CADM2: variants seen among roughly 807,000 people sequenced by gnomAD.
CADM2 encodes immunoglobulin superfamily member 4D.
Under a neutral mutation model 49.8 loss-of-function variants are expected in CADM2, and 12 were observed. The observed-to-expected ratio is 0.24, with a 90% CI of 0.15 to 0.39. The LOEUF (loss-of-function observed/expected upper bound fraction) is 0.39, where lower values mean the gene tolerates loss of function less well. CADM2 is among the 10% of genes least tolerant of loss of function. The pLI is 1.00. For missense variants in CADM2, 378 were observed against 492.3 expected (o/e 0.77, Z 2.20); for synonymous variants, 214 against 175.4 (o/e 1.22, Z -1.74).
intron 1 of CADM2, among the ~76,000 whole-genome samples, chr3:85,031,802 G>A (rs2035001587): frequency 6.6e-6 from 1 of 151,666 alleles, no homozygotes; most frequent in Non-Finnish European, 1.5e-5. Context: ...TTACAGACGT[G>A]AGCCACCACG....
chr3:84,972,334 A>G (rs1037458764), intron 1 of CADM2, among the ~76,000 whole-genome samples: 5 of 152,240 alleles, frequency 3.3e-5, no homozygotes, highest in African/African-American at 1.2e-4. Context: ...TGCTCTTAAA[A>G]TAGCATTTCC....
intron 3 of CADM2, among the ~76,000 whole-genome samples, chr3:85,829,876 G>A (rs1189681607): frequency 6.6e-6 from 1 of 151,922 alleles, no homozygotes; most frequent in African/African-American, 2.4e-5. Context: ...AACAGTATGT[G>A]TATATATACC....
At chr3:85,350,748 G>T (rs1047227517) in intron 1 of CADM2, among the ~76,000 whole-genome samples, 103 of 151,864 alleles carry the variant, frequency 6.8e-4, no homozygotes, top group Non-Finnish European at 8.7e-4. Context: ...GAACAAGAAG[G>T]TTTGGGTTAT....
At chr3:85,878,492 T>C (rs1202852033) in intron 3 of CADM2, among the ~76,000 whole-genome samples, 2 of 152,078 alleles carry the variant, frequency 1.3e-5, no homozygotes. Context: ...GACATGAAAA[T>C]ATCTAGTTTT....
At chr3:85,669,558 T>C (rs1358455076) in intron 1 of CADM2, among the ~76,000 whole-genome samples, 3 of 152,174 alleles carry the variant, frequency 2.0e-5, no homozygotes, top group Non-Finnish European at 2.9e-5. Flanking sequence ...ATGTGTGTTT[T>C]CTGCCTGGAA....
chr3:85,094,956 T>C (rs567436986), intron 1 of CADM2, among the ~76,000 whole-genome samples: 11 of 152,136 alleles, frequency 7.2e-5, no homozygotes, highest in Non-Finnish European at 1.5e-4. Flanking sequence ...TGTGCCAGTC[T>C]CCGAAAGGAC....
intron 1 of CADM2, among the ~76,000 whole-genome samples, chr3:85,170,425 G>A (rs1366979300): frequency 6.7e-6 from 1 of 150,012 alleles, no homozygotes; most frequent in Admixed American, 6.7e-5. Context: ...TGCAACTTCC[G>A]CCTCCCAGGT....
intron 1 of CADM2, among the ~76,000 whole-genome samples, chr3:85,643,805 T>G (rs969986057): frequency 4.6e-5 from 7 of 152,154 alleles, no homozygotes; most frequent in Non-Finnish European, 1.5e-5. Context: ...ATTATTGTTA[T>G]TATATGTGGA....
At chr3:85,218,292 C>G (rs1437161751) in intron 1 of CADM2, among the ~76,000 whole-genome samples, 1 of 151,886 alleles carries the variant, frequency 6.6e-6, no homozygotes, top group East Asian at 1.9e-4. Flanking sequence ...TAAAAAAATC[C>G]AAACTCCCCA....
intron 1 of CADM2, among the ~76,000 whole-genome samples, chr3:85,080,163 C>G (rs1219136306): frequency 6.6e-6 from 1 of 151,932 alleles, no homozygotes; most frequent in Non-Finnish European, 1.5e-5. Flanking sequence ...TGATGTACTT[C>G]TTTATACCTT....
rs367879046 is a variant in CADM2 at position 85,365,549 on chromosome 3, G to A, written c.62-360973G>A. The stretch of plus-strand genomic sequence containing the variant: ...ACTGAAATGCATGGACAGAATTCAA[G>A]TTTAAAGAAAGTAATCCACTCCTGA... On this transcript the variant is annotated intron_variant, in intron 1 of 9. Transcript: ENST00000383699. Among the ~76,000 whole-genome samples the A allele has an allele frequency of 8.5e-5, 13 of 152,204 alleles. 1 individual carries two copies. The East Asian group carries it at 2.1e-3, about 25-fold the overall frequency.
chr3:85,237,977 T>C (rs2042444574), intron 1 of CADM2, among the ~76,000 whole-genome samples: 1 of 151,936 alleles, frequency 6.6e-6, no homozygotes, highest in Non-Finnish European at 1.5e-5. Flanking sequence ...GCTACTATTG[T>C]TGTTTAGTTT....
intron 1 of CADM2, among the ~76,000 whole-genome samples, chr3:85,289,893 T>C (rs2043735264): frequency 6.6e-6 from 1 of 152,194 alleles, no homozygotes; most frequent in African/African-American, 2.4e-5. Context: ...ATATGTTAAA[T>C]AAATTAACTA....
At chr3:85,377,004 C>A (rs1480910068) in intron 1 of CADM2, among the ~76,000 whole-genome samples, 1 of 152,032 alleles carries the variant, frequency 6.6e-6, no homozygotes, top group Non-Finnish European at 1.5e-5. Flanking sequence ...CAGATCTTTA[C>A]ATGGAAAATG....
At chr3:84,973,200 A>G (rs2031583946) in intron 1 of CADM2, among the ~76,000 whole-genome samples, 1 of 152,202 alleles carries the variant, frequency 6.6e-6, no homozygotes, top group South Asian at 2.1e-4. Flanking sequence ...GGCATGAGCC[A>G]CTGTGCCCAG....
intron 1 of CADM2, among the ~76,000 whole-genome samples, chr3:85,202,681 A>G (rs972369397): frequency 6.6e-6 from 1 of 152,174 alleles, no homozygotes; most frequent in African/African-American, 2.4e-5. Context: ...CACCAGCTAC[A>G]TTAGTTCCTA....
At chr3:85,068,604 C>T (rs1027519904) in intron 1 of CADM2, among the ~76,000 whole-genome samples, 1 of 152,122 alleles carries the variant, frequency 6.6e-6, no homozygotes, top group African/African-American at 2.4e-5. Flanking sequence ...GATCTATAAT[C>T]TTCCACACAA....
chr3:86,022,391 T>A (rs961410456), intron 8 of CADM2, among the ~76,000 whole-genome samples: 1 of 152,164 alleles, frequency 6.6e-6, no homozygotes, highest in South Asian at 2.1e-4. Flanking sequence ...AATAGTTTAA[T>A]AGTGCATTCT....
At chr3:85,531,318 T>C (rs1042341488) in intron 1 of CADM2, among the ~76,000 whole-genome samples, 1 of 152,178 alleles carries the variant, frequency 6.6e-6, no homozygotes, top group African/African-American at 2.4e-5. Context: ...CAAGGAGACA[T>C]AAAGACACTT....
Sources: gnomAD v4.1 joint callset for allele counts (sites outside exome capture counted in the v4.1 genomes callset) on GRCh38, gnomAD v4.1.1 for gene constraint, MANE v1.5 for transcripts, NCBI Gene and HGNC (gene_info 2026-07-23, HGNC 2026-07-21) for gene names.